The following BCL7A variants were observed in gnomAD, a reference collection of about 807,000 sequenced individuals.
BCL7A encodes B-cell CLL/lymphoma 7 protein family member A.
Under a neutral mutation model 28.4 loss-of-function variants are expected in BCL7A, and 11 were observed. The observed-to-expected ratio is 0.39, with a 90% CI of 0.24 to 0.64. The LOEUF is 0.64. BCL7A is among the 30% of genes least tolerant of loss of function. The probability of loss-of-function intolerance (pLI) is 0.50; values close to 1 mark genes in which losing one functional copy is unlikely to be tolerated. For synonymous variants in BCL7A, 123 were observed against 103.3 expected (o/e 1.19, Z -1.15); for missense variants, 222 against 274.8 (o/e 0.81, Z 1.36).
At chr12:122,023,960 T>C (rs546413048) in intron 1 of BCL7A, among the ~76,000 whole-genome samples, 3 of 152,238 alleles carry the variant, frequency 2.0e-5, no homozygotes, top group East Asian at 1.9e-4. Context: ...TGGTGGGGCC[T>C]CCTACTCCAG....
intron 1 of BCL7A, among the ~76,000 whole-genome samples, chr12:122,022,986 T>A (rs1593019584): frequency 6.6e-6 from 1 of 152,000 alleles, no homozygotes; most frequent in South Asian, 2.1e-4. Flanking sequence ...CGGGAGCTCG[T>A]GTTTGTTTTG....
intron 1 of BCL7A, among the ~76,000 whole-genome samples, chr12:122,026,761 G>T (rs1206644436): frequency 1.3e-5 from 2 of 152,220 alleles, no homozygotes; most frequent in Non-Finnish European, 2.9e-5. Flanking sequence ...AGGGAGTAGA[G>T]CTTTCCTGGA....
At position 122,061,130 on chromosome 12, in the gene BCL7A, C is replaced by T. The variant is rs1951917670; in HGVS notation, c.*1967C>T. On this transcript the variant is annotated 3_prime_UTR_variant, in exon 6 of 6. Transcript: ENST00000261822. ...AGAGTTAGAGTCACATTTTTCTTTGCAGCGAAACTCCATCTTGGTGAGAGA... is the reference window on the plus strand; with the variant it reads ...AGAGTTAGAGTCACATTTTTCTTTGTAGCGAAACTCCATCTTGGTGAGAGA... 1 of 225,676 alleles carries T rather than the reference C, an allele frequency of 4.4e-6. No homozygotes were observed. Among genetic ancestry groups the T allele is most frequent in the Non-Finnish European group, 8.8e-6 (1 of 113,078 alleles). The allele number at this position is 225,676 out of a possible 1,614,324, so 14.0% of individuals were successfully genotyped here. A position where few individuals can be genotyped will look rare whatever the true frequency, so the allele number is the denominator to read the frequency against.
In BCL7A at chr12:122,021,957, T is replaced by TGTGTGTGTGA. The variant is rs776212842; in HGVS notation, c.-134_-133insTGTGTGTGAG. 6.8e-4 allele frequency: 398 copies of TGTGTGTGTGA among 583,934 alleles called. 6 individuals carry two copies. Among genetic ancestry groups the TGTGTGTGTGA allele is most frequent in the Admixed American group, 9.8e-4 (37 of 37,934 alleles). 36.2% of individuals were successfully genotyped at this position (583,934 alleles called of 1,614,324 possible). On this transcript the variant is annotated 5_prime_UTR_variant, in exon 1 of 6. It removes the in-frame stop codon of an upstream open reading frame in the 5' UTR. Transcript: ENST00000261822. ...GTGTGTGTGTGTGTGTGTGTGTGTGTGAGTGTGTGCGTGTGAGAGTGCGAG... is the reference window on the plus strand; with the variant it reads ...GTGTGTGTGTGTGTGTGTGTGTGTGTGTGTGTGTGAGAGTGTGTGCGTGTGAGAGTGCGAG...
intron 1 of BCL7A, among the ~76,000 whole-genome samples, chr12:122,027,154 G>A (rs933716569): frequency 3.9e-5 from 6 of 152,200 alleles, no homozygotes; most frequent in Non-Finnish European, 8.8e-5. Context: ...AAGAGTGAGG[G>A]CATCTGAGGG....
intron 2 of BCL7A, among the ~76,000 whole-genome samples, chr12:122,033,195 G>T (rs983008354): frequency 6.6e-6 from 1 of 151,454 alleles, no homozygotes; most frequent in African/African-American, 2.4e-5. Flanking sequence ...GAGTGCAATG[G>T]CAGGATCATA....
intron 1 of BCL7A, among the ~76,000 whole-genome samples, chr12:122,024,038 G>A (rs537912090): frequency 6.6e-6 from 1 of 152,226 alleles, no homozygotes; most frequent in East Asian, 1.9e-4. Flanking sequence ...CTGCTCTGCA[G>A]GGAGGGCAGA....
chr12:122,040,393 C>A (rs1478901605), intron 3 of BCL7A, among the ~76,000 whole-genome samples: 2 of 151,716 alleles, frequency 1.3e-5, no homozygotes, highest in Non-Finnish European at 2.9e-5. Context: ...ATTAGCCGGG[C>A]ATGGTGGTGG....
Position 122,059,187 on chromosome 12 carries a change from C to T in BCL7A, c.*24C>T. ...AGACGATGCTTTAAAGCCTCCGATC[C>T]ATGTTCCATGGAAGGTACATCAGCA... On this transcript the variant is annotated 3_prime_UTR_variant, in exon 6 of 6. Coordinates refer to ENST00000261822, the MANE Select transcript of BCL7A (RefSeq NM_001024808.3). The surrounding 1 kb of genome is among the most constrained non-coding windows in gnomAD (Gnocchi z 4.0). 6.3e-7 allele frequency: 1 copy of T among 1,590,116 alleles called. No homozygotes were observed. The highest frequency in any genetic ancestry group is 8.6e-7 in the Non-Finnish European group (1 of 1,158,274).
intron 3 of BCL7A, among the ~76,000 whole-genome samples, chr12:122,036,943 G>A (rs573444552): frequency 6.6e-6 from 1 of 152,100 alleles, no homozygotes; most frequent in East Asian, 1.9e-4. Flanking sequence ...TCCTGGTCTC[G>A]AACGCCCGCC....
intron 1 of BCL7A, among the ~76,000 whole-genome samples, chr12:122,026,390 C>G (rs950477562): frequency 1.9e-4 from 29 of 152,140 alleles, no homozygotes; most frequent in Admixed American, 1.8e-3. Flanking sequence ...CTGCAGTGAG[C>G]TACGATTGTG....
At chr12:122,024,360 A>T (rs2135836117) in intron 1 of BCL7A, among the ~76,000 whole-genome samples, 1 of 152,004 alleles carries the variant, frequency 6.6e-6, no homozygotes, top group South Asian at 2.1e-4. Context: ...GATTGAGGTC[A>T]TGCCTCCGAG....
At chr12:122,032,997 A>G (rs1185710537) in intron 2 of BCL7A, among the ~76,000 whole-genome samples, 1 of 152,160 alleles carries the variant, frequency 6.6e-6, no homozygotes, top group East Asian at 1.9e-4. Flanking sequence ...TATTGTTTTA[A>G]ACACTCAGTA....
intron 5 of BCL7A, 33 bp downstream of exon 5, chr12:122,054,959 G>A (rs1397589315): frequency 4.3e-6 from 7 of 1,614,044 alleles, no homozygotes; most frequent in Admixed American, 1.7e-5. Flanking sequence ...GGGGCAGCCA[G>A]ATCGGCCGGG....
rs903101279 is a variant in BCL7A, at chr12:122,029,854, C to G, written c.93-846C>G. ...GGAGGTGGCTGGCTGTAGCAATAAT[C>G]GGAAAAATGACAGTGGCTCGGAGCA... On this transcript the variant is annotated intron_variant, in intron 1 of 5. Coordinates refer to ENST00000261822, the MANE Select transcript of BCL7A (RefSeq NM_001024808.3). The surrounding 1 kb of genome is among the most constrained non-coding windows in gnomAD (Gnocchi z 4.3). 6.6e-6 allele frequency among the ~76,000 whole-genome samples: 1 copy of G among 151,996 alleles called. No individual in the cohort carries two copies. The highest frequency in any genetic ancestry group is 1.5e-5 in the Non-Finnish European group (1 of 68,012).
rs1205549219 is a variant in BCL7A, at chr12:122,029,626, C to T, written c.93-1074C>T. 2.6e-5 allele frequency among the ~76,000 whole-genome samples: 4 copies of T among 152,156 alleles called. No homozygotes were observed. The highest frequency in any genetic ancestry group is 1.9e-4 in the East Asian group (1 of 5,184). On this transcript the variant is annotated intron_variant, in intron 1 of 5. Transcript: ENST00000261822. The surrounding 1 kb of genome is among the most constrained non-coding windows in gnomAD (Gnocchi z 4.3). ...CAGTGCCTGCTGGGCCCCTTAAATC[C>T]GCCAGCCTCCTAGCTGAGCCATCAG...
intron 4 of BCL7A, among the ~76,000 whole-genome samples, chr12:122,050,073 T>G (rs1359543683): frequency 2.0e-5 from 3 of 152,002 alleles, no homozygotes; most frequent in Non-Finnish European, 4.4e-5. Flanking sequence ...GCCTCCCGGG[T>G]TCAACTGATT....
intron 1 of BCL7A, among the ~76,000 whole-genome samples, chr12:122,028,287 G>T (rs966824424): frequency 1.9e-4 from 29 of 152,198 alleles, no homozygotes; most frequent in Admixed American, 7.2e-4. Flanking sequence ...TGTAGCCTGC[G>T]GTGGCCTCGA....
intron 4 of BCL7A, 94 bp downstream of exon 4, chr12:122,044,147 G>A: frequency 7.1e-7 from 1 of 1,399,488 alleles, no homozygotes; most frequent in Non-Finnish European, 9.6e-7. Context: ...CCTGTCATGT[G>A]CCAGCCCCAG....
Sources: gnomAD v4.1 joint callset for allele counts (sites outside exome capture counted in the v4.1 genomes callset) on GRCh38, gnomAD v4.1.1 for gene constraint, Gnocchi (gnomAD v3.1) non-coding constraint, MANE v1.5 for transcripts, NCBI Gene and HGNC (gene_info 2026-07-23, HGNC 2026-07-21) for gene names.